The following PCBP3 variants were observed in gnomAD, a reference collection of about 807,000 sequenced individuals.
PCBP3 encodes poly(rC)-binding protein 3.
Under a neutral mutation model 52.7 loss-of-function variants are expected in PCBP3, and 25 were observed. The ratio of observed to expected loss-of-function variants is 0.47; its 90% confidence interval spans 0.35 to 0.66. The LOEUF (loss-of-function observed/expected upper bound fraction) is 0.66. Among genes scored for constraint, PCBP3 ranks in the 30% least tolerant of loss-of-function variants. The pLI is 0.01. For synonymous variants in PCBP3, 162 were observed against 183.0 expected (o/e 0.89, Z 0.93); for missense variants, 391 against 490.3 (o/e 0.80, Z 1.91).
At chr21:45,667,306 C>A (rs1435589875) in intron 1 of PCBP3, among the ~76,000 whole-genome samples, 2 of 151,826 alleles carry the variant, frequency 1.3e-5, no homozygotes, top group Non-Finnish European at 1.5e-5. Flanking sequence ...CCATGGTTGG[C>A]CATCTGTTGG....
intron 4 of PCBP3, among the ~76,000 whole-genome samples, chr21:45,764,993 G>A (rs559709400): frequency 1.3e-5 from 2 of 152,348 alleles, no homozygotes; most frequent in South Asian, 4.1e-4. Flanking sequence ...CATGGGGCCT[G>A]GGCCAGCCTG....
chr21:45,806,078 G>T (rs190624941), intron 4 of PCBP3, among the ~76,000 whole-genome samples: 42 of 152,332 alleles, frequency 2.8e-4, no homozygotes, highest in African/African-American at 9.9e-4. Flanking sequence ...TGCCTCCAGG[G>T]TTATCACTGG....
chr21:45,664,565 C>T lies in PCBP3; in HGVS notation c.-278-4309C>T, dbSNP rs191229297. Among the ~76,000 whole-genome samples, 327 of 151,474 alleles carry T rather than the reference C, an allele frequency of 2.2e-3. 3 individuals carry two copies. Among genetic ancestry groups the T allele is most frequent in the African/African-American group, 7.4e-3 (304 of 41,334 alleles). Reference sequence around the variant, plus strand: ...TAATAACATTAGCTAAATATATTTTCTTAATTTCTTTCAGAGACAAAGAGC... The same window carrying T: ...TAATAACATTAGCTAAATATATTTTTTTAATTTCTTTCAGAGACAAAGAGC... On this transcript the variant is annotated intron_variant, in intron 1 of 17. Coordinates refer to ENST00000681687, the MANE Select transcript of PCBP3 (RefSeq NM_001384156.1).
chr21:45,901,890 A>G (rs2096066483), intron 9 of PCBP3, among the ~76,000 whole-genome samples: 1 of 152,234 alleles, frequency 6.6e-6, no homozygotes, highest in African/African-American at 2.4e-5. Context: ...AGTGTCTTTG[A>G]GGAGTGACCA....
chr21:45,818,171 T>C (rs902394565), intron 4 of PCBP3, among the ~76,000 whole-genome samples: 62 of 152,228 alleles, frequency 4.1e-4, no homozygotes, highest in African/African-American at 1.3e-3. Flanking sequence ...TACAGGTGCG[T>C]GCCACCAAGC....
chr21:45,797,733 G>C (rs1339883555), intron 4 of PCBP3, among the ~76,000 whole-genome samples: 10 of 133,862 alleles, frequency 7.5e-5, no homozygotes, highest in Admixed American at 1.5e-4. Flanking sequence ...GGATGGACGA[G>C]TGCGTGGATC....
intron 13 of PCBP3, among the ~76,000 whole-genome samples, chr21:45,922,462 G>T (rs1259256449): frequency 1.3e-5 from 2 of 152,070 alleles, no homozygotes; most frequent in Non-Finnish European, 2.9e-5. Context: ...GGCTAAGGTG[G>T]GGCAGTTACC....
At chr21:45,812,662 G>A (rs746415616) in intron 4 of PCBP3, among the ~76,000 whole-genome samples, 5 of 152,240 alleles carry the variant, frequency 3.3e-5, no homozygotes, top group Admixed American at 1.3e-4. Context: ...AAAGTGCTGG[G>A]ATTACAGGCG....
chr21:45,774,197 G>T (rs1454936977), intron 4 of PCBP3, among the ~76,000 whole-genome samples: 1 of 151,984 alleles, frequency 6.6e-6, no homozygotes, highest in Non-Finnish European at 1.5e-5. Context: ...AAGGTCAAGA[G>T]ATTGAGATCA....
intron 4 of PCBP3, among the ~76,000 whole-genome samples, chr21:45,815,978 GGTGAGTGGTGA>G (rs1214656010): frequency 1.6e-5 from 2 of 125,326 alleles, no homozygotes; most frequent in Non-Finnish European, 1.7e-5. Flanking sequence ...AGTGATGAGT[GGTGAGTGGTGA>G]GTGAGTGGTG....
At chr21:45,716,674 A>ATT (rs1489433902) in intron 2 of PCBP3, among the ~76,000 whole-genome samples, 1 of 152,144 alleles carries the variant, frequency 6.6e-6, no homozygotes, top group Non-Finnish European at 1.5e-5. Flanking sequence ...AAATATAGTG[A>ATT]TTTGGGGGAT....
chr21:45,901,303 G>A (rs1603481926), intron 9 of PCBP3, 190 bp downstream of exon 9: 16 of 569,476 alleles, frequency 2.8e-5, no homozygotes, highest in South Asian at 2.5e-4. Flanking sequence ...TCAGGGGCCA[G>A]TGTCTCTCCA....
chr21:45,849,805 C>T (rs1291883917), intron 4 of PCBP3, among the ~76,000 whole-genome samples, 156 bp from the exon 5 acceptor site: 1 of 152,160 alleles, frequency 6.6e-6, no homozygotes, highest in Non-Finnish European at 1.5e-5. Flanking sequence ...CGCTTGCTGG[C>T]ACTCTGTCTC....
chr21:45,863,483 A>G (rs1603456636), intron 5 of PCBP3, among the ~76,000 whole-genome samples: 1 of 151,704 alleles, frequency 6.6e-6, no homozygotes, highest in Non-Finnish European at 1.5e-5. Context: ...CTGTTGGGGG[A>G]AGGGGGTATT....
intron 6 of PCBP3, among the ~76,000 whole-genome samples, chr21:45,898,349 A>ACCGT: frequency 5.8e-5 from 2 of 34,360 alleles, no homozygotes; most frequent in Non-Finnish European, 1.1e-4. Context: ...CCCTCTGCAC[A>ACCGT]CCATCCTCAT....
intron 5 of PCBP3, among the ~76,000 whole-genome samples, chr21:45,857,058 A>G (rs1406640668): frequency 6.6e-6 from 1 of 152,180 alleles, no homozygotes; most frequent in East Asian, 1.9e-4. Flanking sequence ...TCGATGACAA[A>G]TGCTTCCTGT....
At chr21:45,888,786 C>G (rs548319878) in intron 5 of PCBP3, among the ~76,000 whole-genome samples, 1 of 152,104 alleles carries the variant, frequency 6.6e-6, no homozygotes, top group South Asian at 2.1e-4. Flanking sequence ...TCAAATCACA[C>G]GTGGACAGTA....
intron 2 of PCBP3, among the ~76,000 whole-genome samples, chr21:45,695,862 C>T (rs749027810): frequency 3.3e-5 from 5 of 151,546 alleles, no homozygotes; most frequent in Admixed American, 6.6e-5. Flanking sequence ...AGGTGGGTCA[C>T]GAGGTCAGGA....
At chr21:45,701,020 C>G (rs2838982) in intron 2 of PCBP3, among the ~76,000 whole-genome samples, 30,200 of 152,118 alleles carry the variant, frequency 0.2, 3,261 homozygotes, top group Middle Eastern at 0.34. Context: ...TGTTGGATAA[C>G]AGAACAATTT....
Sources: allele counts gnomAD v4.1 joint callset (sites outside exome capture counted in the v4.1 genomes callset), GRCh38; gene constraint gnomAD v4.1.1; transcripts MANE v1.5; gene names NCBI Gene and HGNC (gene_info 2026-07-23, HGNC 2026-07-21).